NRG3: variants seen among roughly 807,000 people sequenced by gnomAD.
NRG3 encodes the protein pro-neuregulin-3, membrane-bound isoform.
NRG3 carries 31 observed loss-of-function variants against 66.9 expected under a neutral mutation model. That is an observed-to-expected ratio of 0.46 (90% CI 0.35 to 0.63). The LOEUF (loss-of-function observed/expected upper bound fraction) is 0.63, where lower values mean the gene tolerates loss of function less well. Ranked by LOEUF, NRG3 falls within the 20% of genes least tolerant of loss-of-function variation. The pLI is 0.00. For synonymous variants in NRG3, 393 were observed against 359.4 expected (o/e 1.09, Z -1.06); for missense variants, 910 against 878.9 (o/e 1.04, Z -0.45).
intron 1 of NRG3, among the ~76,000 whole-genome samples, chr10:82,020,889 A>T (rs1273359600): frequency 6.6e-6 from 1 of 152,092 alleles, no homozygotes; most frequent in Non-Finnish European, 1.5e-5. Context: ...TTTTGGCTTT[A>T]AGTGCAGAGA....
rs566010984 is a variant in NRG3 at position 82,984,974 on chromosome 10, G to A, written c.1584-124G>A. On this transcript the variant is annotated intron_variant, in intron 8 of 8. Coordinates refer to ENST00000372141, the MANE Select transcript of NRG3 (RefSeq NM_001010848.4). ...CTGTTTAACTGGGAACCTATTATCC[G>A]TCTCATGGGGTTGCTGTGAGAATTC... The A allele has an allele frequency of 8.9e-5, 116 of 1,306,596 alleles. 1 individual carries two copies. The highest frequency in any genetic ancestry group is 4.4e-4 in the Middle Eastern group (2 of 4,554). 80.9% of individuals were successfully genotyped at this position (1,306,596 alleles called of 1,614,324 possible).
At chr10:82,056,593 G>C in intron 1 of NRG3, among the ~76,000 whole-genome samples, 1 of 152,154 alleles carries the variant, frequency 6.6e-6, no homozygotes, top group Non-Finnish European at 1.5e-5. Context: ...GTGACACAGA[G>C]CCAGGAACTA....
chr10:82,025,038 G>A (rs1241630249), intron 1 of NRG3, among the ~76,000 whole-genome samples: 1 of 152,056 alleles, frequency 6.6e-6, no homozygotes, highest in Admixed American at 6.6e-5. Flanking sequence ...TGATAAATAT[G>A]TTTTGCAAGA....
intron 2 of NRG3, among the ~76,000 whole-genome samples, chr10:82,710,810 T>G (rs1338884687): frequency 3.9e-5 from 6 of 151,992 alleles, no homozygotes; most frequent in African/African-American, 1.4e-4. Context: ...TTTTTACTGG[T>G]TTTTACAAGT....
At chr10:81,930,145 G>T (rs753332028) in intron 1 of NRG3, among the ~76,000 whole-genome samples, 4 of 152,114 alleles carry the variant, frequency 2.6e-5, no homozygotes, top group Non-Finnish European at 4.4e-5. Flanking sequence ...TGCAGTCACT[G>T]CCCAGGGTGC....
At chr10:82,929,804 A>G (rs953026931) in intron 4 of NRG3, among the ~76,000 whole-genome samples, 9 of 150,442 alleles carry the variant, frequency 6.0e-5, no homozygotes, top group Non-Finnish European at 1.3e-4. Flanking sequence ...TGAAGGTGGG[A>G]GGCAGAGGTT....
intron 2 of NRG3, among the ~76,000 whole-genome samples, chr10:82,581,711 T>C (rs1259262382): frequency 6.6e-6 from 1 of 152,062 alleles, no homozygotes; most frequent in Non-Finnish European, 1.5e-5. Flanking sequence ...TTTTAAAGTG[T>C]ACACTTAAAA....
chr10:82,627,216 T>G (rs1035453242), intron 2 of NRG3, among the ~76,000 whole-genome samples: 1 of 152,076 alleles, frequency 6.6e-6, no homozygotes, highest in Non-Finnish European at 1.5e-5. Flanking sequence ...TTCCAGCACA[T>G]TTTCTTCAGG....
At chr10:82,362,567 T>TTTTTTTTTTTTTTTTTTG (rs1273821084) in intron 2 of NRG3, among the ~76,000 whole-genome samples, 2 of 148,332 alleles carry the variant, frequency 1.3e-5, no homozygotes, top group East Asian at 2.0e-4. Context: ...TTTTTTTTTT[T>TTTTTTTTTTTTTTTTTTG]TTCGTAGAAA....
Position 81,876,057 on chromosome 10 carries a change from T to C in NRG3, c.717T>C (p.Thr239=). Residue 239 remains threonine (T), a synonymous_variant, in exon 1 of 9, where the codon ACT becomes ACC. Transcript: ENST00000372141. ...CCTCCTCCTACCTTCACGATTCTAC[T>C]CCCTCCTGGACCCTGTCTCCCTTTC... is the stretch of plus-strand genomic sequence containing the variant. ...YATSSYLHDS[T]PSWTLSPFQD... is the part of the protein sequence containing the mutation. 3.1e-6 allele frequency: 5 copies of C among 1,613,860 alleles called. No individual in the cohort carries two copies. The highest frequency in any genetic ancestry group is 4.2e-6 in the Non-Finnish European group (5 of 1,179,998).
chr10:82,029,546 G>A (rs964219210), intron 1 of NRG3, among the ~76,000 whole-genome samples: 10 of 152,150 alleles, frequency 6.6e-5, no homozygotes, highest in African/African-American at 9.6e-5. Flanking sequence ...ATCTGCTGGC[G>A]TCTCCAAGGG....
At chr10:82,477,894 T>C (rs1841927238) in intron 2 of NRG3, among the ~76,000 whole-genome samples, 1 of 152,126 alleles carries the variant, frequency 6.6e-6, no homozygotes, top group South Asian at 2.1e-4. Context: ...GAGTCTGCAA[T>C]GACTCTGGGA....
intron 2 of NRG3, among the ~76,000 whole-genome samples, chr10:82,721,042 T>C (rs1395996537): frequency 4.0e-5 from 6 of 150,662 alleles, no homozygotes; most frequent in Non-Finnish European, 1.5e-5. Context: ...AACTTACTTG[T>C]TCCAGGTTGC....
At chr10:82,489,104 A>T (rs561133421) in intron 2 of NRG3, among the ~76,000 whole-genome samples, 1 of 152,336 alleles carries the variant, frequency 6.6e-6, no homozygotes, top group African/African-American at 2.4e-5. Context: ...CCACATATAC[A>T]GATGAGATAA....
At chr10:82,073,973 A>G (rs1037174799) in intron 1 of NRG3, among the ~76,000 whole-genome samples, 1 of 152,178 alleles carries the variant, frequency 6.6e-6, no homozygotes, top group Non-Finnish European at 1.5e-5. Flanking sequence ...TGGCAAAACC[A>G]GACAATCAAT....
chr10:82,907,482 C>T (rs1469002557), intron 4 of NRG3, among the ~76,000 whole-genome samples: 2 of 152,014 alleles, frequency 1.3e-5, no homozygotes, highest in African/African-American at 4.8e-5. Context: ...CAGGATTATA[C>T]AATGTTGATC....
At chr10:82,271,928 T>C (rs1325499188) in intron 1 of NRG3, among the ~76,000 whole-genome samples, 2 of 152,096 alleles carry the variant, frequency 1.3e-5, no homozygotes, top group Non-Finnish European at 1.5e-5. Flanking sequence ...ACAAATATTT[T>C]TGGATGTTTC....
intron 2 of NRG3, among the ~76,000 whole-genome samples, chr10:82,376,549 G>C (rs926670765): frequency 1.3e-5 from 2 of 152,168 alleles, no homozygotes; most frequent in African/African-American, 4.8e-5. Context: ...ATCTGGTGGG[G>C]TCCTTTACAC....
rs148338181 is a variant in NRG3, at chr10:82,324,071, G to T, written c.824-34668G>T. Among the ~76,000 whole-genome samples the T allele has an allele frequency of 5.7e-3, 874 of 152,184 alleles. 7 individuals are homozygous for T. The highest frequency in any genetic ancestry group is 0.02 in the African/African-American group (814 of 41,524). ...GTAGAGACGGGGTTTCACCATGTTGGCCAGGCTGGTGTCTAACTCCTGACC... is the reference window on the plus strand; with the variant it reads ...GTAGAGACGGGGTTTCACCATGTTGTCCAGGCTGGTGTCTAACTCCTGACC... On this transcript the variant is annotated intron_variant, in intron 1 of 8. Coordinates refer to ENST00000372141, the MANE Select transcript of NRG3 (RefSeq NM_001010848.4).
Sources: gnomAD v4.1 joint callset for allele counts (sites outside exome capture counted in the v4.1 genomes callset) on GRCh38, gnomAD v4.1.1 for gene constraint, MANE v1.5 for transcripts, NCBI Gene and HGNC (gene_info 2026-07-23, HGNC 2026-07-21) for gene names.